Variants in CCDC82 observed in about 807,000 individuals in gnomAD.
CCDC82 encodes the protein coiled-coil domain-containing protein 82.
CCDC82 carries 47 observed loss-of-function variants against 60.6 expected under a neutral mutation model. That is an observed-to-expected ratio of 0.77 (90% confidence interval 0.61 to 0.99). The LOEUF (loss-of-function observed/expected upper bound fraction) is 0.99. CCDC82 is among the 50% of genes least tolerant of loss of function. The pLI is 0.00. For synonymous variants in CCDC82, 212 were observed against 207.4 expected (o/e 1.02, Z -0.19); for missense variants, 588 against 633.0 (o/e 0.93, Z 0.76).
chr11:96,384,799 C>T, intron 3 of CCDC82, 38 bp from the exon 4 acceptor site: 1 of 1,323,298 alleles, frequency 7.6e-7, no homozygotes, highest in Non-Finnish European at 1.0e-6. Flanking sequence ...ACAGTGATAA[C>T]CAGATTAGAG....
At chr11:96,374,711 GA>G (rs1428093991) in intron 5 of CCDC82, among the ~76,000 whole-genome samples, 1 of 151,900 alleles carries the variant, frequency 6.6e-6, no homozygotes, top group African/African-American at 2.4e-5. Context: ...CATCACCCAG[GA>G]ATTAGACCCA....
intron 6 of CCDC82, among the ~76,000 whole-genome samples, chr11:96,373,011 G>A (rs1865367596): frequency 6.6e-6 from 1 of 152,062 alleles, no homozygotes. Context: ...CATGGACAAA[G>A]GCACAAAAGC....
chr11:96,363,405 A>C (rs1384289946), intron 8 of CCDC82: 1 of 152,222 alleles, frequency 6.6e-6, no homozygotes, highest in Non-Finnish European at 1.5e-5. Context: ...AAAATTACTG[A>C]AAAAACAATT....
intron 8 of CCDC82, 195 bp from the exon 9 acceptor site, chr11:96,359,373 A>G (rs1193633964): frequency 8.3e-6 from 4 of 480,554 alleles, no homozygotes; most frequent in Non-Finnish European, 1.1e-5. Flanking sequence ...GCTAGGCACT[A>G]GAGATATATA....
chr11:96,370,694 T>C (rs762435806), intron 7 of CCDC82, among the ~76,000 whole-genome samples: 2 of 152,202 alleles, frequency 1.3e-5, no homozygotes, highest in Non-Finnish European at 2.9e-5. Flanking sequence ...CCCCTGATTC[T>C]CAAATTTCTT....
At chr11:96,372,445 C>T (rs932530318) in intron 6 of CCDC82, among the ~76,000 whole-genome samples, 1 of 151,464 alleles carries the variant, frequency 6.6e-6, no homozygotes, top group Non-Finnish European at 1.5e-5. Flanking sequence ...ATCTAATATG[C>T]CTTAAGTCAC....
intron 7 of CCDC82, among the ~76,000 whole-genome samples, chr11:96,369,886 GTATT>G (rs1261887674): frequency 6.6e-6 from 1 of 152,176 alleles, no homozygotes; most frequent in Non-Finnish European, 1.5e-5. Context: ...CTATTAAACA[GTATT>G]TATGCCATGT....
chr11:96,376,268 T>C (rs7119631), intron 5 of CCDC82, among the ~76,000 whole-genome samples: 2 of 152,182 alleles, frequency 1.3e-5, no homozygotes, highest in Non-Finnish European at 2.9e-5. Flanking sequence ...TTCTTTAGAA[T>C]TGTTTTGCAA....
intron 5 of CCDC82, among the ~76,000 whole-genome samples, chr11:96,378,518 A>C (rs1865708363): frequency 6.6e-6 from 1 of 151,914 alleles, no homozygotes; most frequent in Non-Finnish European, 1.5e-5. Flanking sequence ...TATTGTGTTA[A>C]TAGAATGATT....
chr11:96,382,596 T>C (rs1345065548), intron 5 of CCDC82: 3 of 151,932 alleles, frequency 2.0e-5, no homozygotes. Context: ...GACAGACCAA[T>C]GGTTGTAATG....
At chr11:96,380,026 G>A (rs1226170334) in intron 5 of CCDC82, among the ~76,000 whole-genome samples, 1 of 151,796 alleles carries the variant, frequency 6.6e-6, no homozygotes, top group African/African-American at 2.4e-5. Context: ...ACCACAGAAA[G>A]TAGAAGAGCA....
chr11:96,369,412 A>G (rs1197243542), intron 7 of CCDC82, among the ~76,000 whole-genome samples: 2 of 152,186 alleles, frequency 1.3e-5, no homozygotes, highest in Admixed American at 6.5e-5. Context: ...AAAGTGAGAG[A>G]CCTGCAACTC....
chr11:96,357,899 A>G (rs1864428571), intron 9 of CCDC82: 1 of 985,296 alleles, frequency 1.0e-6, no homozygotes, highest in South Asian at 4.7e-5. Context: ...AAAAAGCTGA[A>G]AAGAATAAAA....
chr11:96,355,102 G>C (rs115270730), intron 9 of CCDC82: 3 of 152,078 alleles, frequency 2.0e-5, no homozygotes, highest in Non-Finnish European at 2.9e-5. Context: ...GGTTTTATTA[G>C]ATATAAGTAA....
At chr11:96,366,334 CTAAT>C (rs1233511519) in intron 7 of CCDC82, among the ~76,000 whole-genome samples, 11 of 152,192 alleles carry the variant, frequency 7.2e-5, no homozygotes, top group African/African-American at 2.7e-4. Context: ...CCAGCTTATC[CTAAT>C]TAAGATCTTA....
At chr11:96,366,466 T>C (rs533735498) in intron 7 of CCDC82, among the ~76,000 whole-genome samples, 9 of 152,356 alleles carry the variant, frequency 5.9e-5, no homozygotes, top group East Asian at 1.9e-4. Context: ...AAACCTAATA[T>C]GGCATACAGG....
chr11:96,359,245 T>C, intron 8 of CCDC82, 67 bp from the exon 9 acceptor site: 3 of 1,287,642 alleles, frequency 2.3e-6, no homozygotes, highest in Non-Finnish European at 3.1e-6. Context: ...TTGGATTTTC[T>C]TTAGTAGTAG....
At chr11:96,359,642 T>TAAAAAAAAA (rs139619843) in intron 8 of CCDC82, among the ~76,000 whole-genome samples, 19 of 81,354 alleles carry the variant, frequency 2.3e-4, no homozygotes, top group South Asian at 4.5e-4. Context: ...ATGGGCAAAG[T>TAAAAAAAAA]AAAAAAAAAA....
intron 8 of CCDC82, chr11:96,364,070 T>C (rs1206877850): frequency 1.3e-5 from 2 of 152,154 alleles, no homozygotes; most frequent in Non-Finnish European, 2.9e-5. Flanking sequence ...CAGAATTAGC[T>C]ATAGACAGCA....
Sources: allele counts gnomAD v4.1 joint callset (sites outside exome capture counted in the v4.1 genomes callset), GRCh38; gene constraint gnomAD v4.1.1; transcripts MANE v1.5; gene names NCBI Gene and HGNC (gene_info 2026-07-23, HGNC 2026-07-21).